Variants in SLC1A2 observed in about 807,000 individuals in gnomAD.
The protein encoded by SLC1A2 is excitatory amino acid transporter 2.
SLC1A2 carries 15 observed loss-of-function variants against 48.8 expected under a neutral mutation model. That is an observed-to-expected ratio of 0.31 (90% CI 0.21 to 0.47). The LOEUF is 0.47. SLC1A2 is among the 20% of genes least tolerant of loss of function. The pLI, the probability that SLC1A2 is intolerant of heterozygous loss-of-function variation, is 0.99. For synonymous variants in SLC1A2, 279 were observed against 272.6 expected (o/e 1.02, Z -0.23); for missense variants, 502 against 730.5 (o/e 0.69, Z 3.61).
intron 1 of SLC1A2, among the ~76,000 whole-genome samples, chr11:35,353,733 A>G (rs10768131): frequency 0.61 from 92,006 of 152,042 alleles, 29,223 homozygotes; most frequent in African/African-American, 0.79. Context: ...CCTTTCTACC[A>G]TCAACAGACC....
intron 1 of SLC1A2, among the ~76,000 whole-genome samples, chr11:35,343,362 C>T (rs546901681): frequency 1.3e-5 from 2 of 152,270 alleles, no homozygotes; most frequent in East Asian, 1.9e-4. Context: ...ATGACAGTTC[C>T]GAAACAACCA....
At chr11:35,375,923 A>G (rs1854213088) in intron 1 of SLC1A2, among the ~76,000 whole-genome samples, 1 of 152,206 alleles carries the variant, frequency 6.6e-6, no homozygotes, top group Non-Finnish European at 1.5e-5. Flanking sequence ...AGAGAAGTCA[A>G]GTAACATTTG....
In SLC1A2 at chr11:35,419,447, C is replaced by T. The variant is rs1169192227; in HGVS notation, c.-481G>A. On this transcript the variant is annotated 5_prime_UTR_variant, in exon 1 of 11. Transcript: ENST00000278379. The surrounding 1 kb of genome is among the most constrained non-coding windows in gnomAD (Gnocchi z 5.4). ...GCGCGCCTGGGGAGGCGGTGGAGGC[C>T]GCTGCGCTCTGGCTCGGCGCCGGCC... The T allele has an allele frequency of 1.1e-5, 2 of 176,868 alleles. No homozygotes were observed. Among genetic ancestry groups the T allele is most frequent in the African/African-American group, 4.7e-5 (2 of 42,210 alleles). The allele number at this position is 176,868 out of a possible 1,614,324, so 11.0% of individuals were successfully genotyped here. A position where few individuals can be genotyped will look rare whatever the true frequency, so the allele number is the denominator to read the frequency against.
At chr11:35,339,355 C>G (rs1216734857) in intron 1 of SLC1A2, among the ~76,000 whole-genome samples, 5 of 152,172 alleles carry the variant, frequency 3.3e-5, no homozygotes, top group African/African-American at 1.2e-4. Context: ...TAAAATCAAA[C>G]CTAACTGGAA....
chr11:35,339,004 G>C (rs888304458), intron 1 of SLC1A2, among the ~76,000 whole-genome samples: 10 of 152,112 alleles, frequency 6.6e-5, no homozygotes, highest in Non-Finnish European at 1.3e-4. Context: ...TCCTGTCTTT[G>C]AATTGCTCTC....
At chr11:35,263,985 TG>T (rs1251828784) in intron 10 of SLC1A2, 1 of 152,242 alleles carries the variant, frequency 6.6e-6, no homozygotes, top group African/African-American at 2.4e-5. Flanking sequence ...AACATTTTGA[TG>T]GGGAATAATC....
chr11:35,368,813 C>T (rs1459311439), intron 1 of SLC1A2, among the ~76,000 whole-genome samples: 3 of 152,192 alleles, frequency 2.0e-5, no homozygotes, highest in Admixed American at 6.5e-5. Context: ...GCCCCCAAAG[C>T]ATGCCAGCTT....
At chr11:35,412,517 G>A (rs929491995) in intron 1 of SLC1A2, among the ~76,000 whole-genome samples, 5 of 152,172 alleles carry the variant, frequency 3.3e-5, no homozygotes, top group Admixed American at 6.5e-5. Flanking sequence ...CCATCTGTTG[G>A]GTGATGAGCA....
In SLC1A2 at chr11:35,279,689, G is replaced by C. The variant is rs1009439316; in HGVS notation, c.1421+1178C>G. 2.0e-5 allele frequency among the ~76,000 whole-genome samples: 3 copies of C among 152,214 alleles called. No individual in the cohort carries two copies. In the South Asian group the frequency reaches 6.2e-4, roughly 32 times the overall value. On this transcript the variant is annotated intron_variant, in intron 9 of 10. Coordinates refer to ENST00000278379, the MANE Select transcript of SLC1A2 (RefSeq NM_004171.4). ...ATTTGTCAGGCTCCAGAGGCAGCCTGACCTAGGGTCGAATATCTGTCCATT... is the reference window on the plus strand; with the variant it reads ...ATTTGTCAGGCTCCAGAGGCAGCCTCACCTAGGGTCGAATATCTGTCCATT...
chr11:35,284,243 G>A (rs1406025327), intron 8 of SLC1A2, among the ~76,000 whole-genome samples: 1 of 151,778 alleles, frequency 6.6e-6, no homozygotes, highest in Non-Finnish European at 1.5e-5. Flanking sequence ...CATGATTCTG[G>A]CCCAGTTACC....
chr11:35,411,915 T>A (rs2135298921), intron 1 of SLC1A2, among the ~76,000 whole-genome samples: 1 of 152,262 alleles, frequency 6.6e-6, no homozygotes, highest in South Asian at 2.1e-4. Context: ...GCTGTCCTTC[T>A]TAAGGCATTG....
intron 1 of SLC1A2, among the ~76,000 whole-genome samples, chr11:35,405,438 T>TA (rs1855258980): frequency 6.7e-6 from 1 of 150,324 alleles, no homozygotes; most frequent in Non-Finnish European, 1.5e-5. Context: ...TTTTTTTAAC[T>TA]AATGTAATTG....
chr11:35,317,111 C>A, intron 2 of SLC1A2: 1 of 406,498 alleles, frequency 2.5e-6, no homozygotes, highest in Non-Finnish European at 4.5e-6. Context: ...GCAAAGTCTC[C>A]ATAAGTATAG....
chr11:35,395,624 C>T (rs531438680), intron 1 of SLC1A2, among the ~76,000 whole-genome samples: 17 of 151,614 alleles, frequency 1.1e-4, no homozygotes, highest in East Asian at 3.9e-4. Context: ...CAGTCTTAGA[C>T]GCTAGGTGGG....
intron 7 of SLC1A2, among the ~76,000 whole-genome samples, chr11:35,289,038 T>C (rs1218683030): frequency 2.6e-5 from 4 of 152,246 alleles, no homozygotes; most frequent in African/African-American, 7.2e-5. Flanking sequence ...AATGGCCATA[T>C]GACAGCCTTC....
chr11:35,310,589 A>G (rs1191636959), intron 4 of SLC1A2, among the ~76,000 whole-genome samples: 1 of 152,264 alleles, frequency 6.6e-6, no homozygotes, highest in Non-Finnish European at 1.5e-5. Flanking sequence ...TTTTGGAGAC[A>G]GCTAGGAATA....
chr11:35,372,397 G>C (rs947388999), intron 1 of SLC1A2, among the ~76,000 whole-genome samples: 7 of 152,190 alleles, frequency 4.6e-5, no homozygotes, highest in Non-Finnish European at 1.0e-4. Context: ...TGGGCATTTA[G>C]CCACATGACA....
At chr11:35,410,567 C>T (rs1475079) in intron 1 of SLC1A2, among the ~76,000 whole-genome samples, 104,675 of 151,940 alleles carry the variant, frequency 0.69, 36,618 homozygotes, top group African/African-American at 0.81. Flanking sequence ...AGATCCCTTT[C>T]CCCCCACATT....
chr11:35,313,132 G>A (rs1851758790), intron 3 of SLC1A2, among the ~76,000 whole-genome samples: 1 of 152,070 alleles, frequency 6.6e-6, no homozygotes, highest in South Asian at 2.1e-4. Flanking sequence ...GATGCTGCTG[G>A]TACATGCTAG....
Sources: allele counts gnomAD v4.1 joint callset (sites outside exome capture counted in the v4.1 genomes callset), GRCh38; gene constraint gnomAD v4.1.1; non-coding constraint Gnocchi (gnomAD v3.1); transcripts MANE v1.5; gene names NCBI Gene and HGNC (gene_info 2026-07-23, HGNC 2026-07-21).